Variants in KCNK18 observed in about 807,000 individuals in gnomAD.
The protein encoded by KCNK18 is potassium two pore domain channel subfamily K member 18, also known as potassium channel subfamily K member 18.
KCNK18 carries 8 observed loss-of-function variants against 11.8 expected under a neutral mutation model. That is an observed-to-expected ratio of 0.68 (90% CI 0.40 to 1.22). The LOEUF (loss-of-function observed/expected upper bound fraction) is 1.22. Ranked by LOEUF, KCNK18 falls within the 50% of genes most tolerant of loss-of-function variation. The pLI is 0.01. For missense variants in KCNK18, 442 were observed against 465.4 expected (o/e 0.95, Z 0.46); for synonymous variants, 208 against 185.8 (o/e 1.12, Z -0.97).
chr10:117,205,273 T>C (rs193198686), intron 2 of KCNK18, among the ~76,000 whole-genome samples: 25 of 152,312 alleles, frequency 1.6e-4, no homozygotes, highest in African/African-American at 5.5e-4. Context: ...AATATATGAA[T>C]GCATTCTAAG....
intron 2 of KCNK18, among the ~76,000 whole-genome samples, chr10:117,203,157 G>T (rs1474022762): frequency 6.6e-6 from 1 of 152,054 alleles, no homozygotes; most frequent in Non-Finnish European, 1.5e-5. Context: ...GATTAGAGGC[G>T]TGAGACACCG....
At chr10:117,200,068 C>T (rs567008505) in intron 1 of KCNK18, among the ~76,000 whole-genome samples, 4 of 152,154 alleles carry the variant, frequency 2.6e-5, no homozygotes, top group Non-Finnish European at 4.4e-5. Flanking sequence ...GATGATCAAA[C>T]TCCATCAAGT....
intron 2 of KCNK18, among the ~76,000 whole-genome samples, chr10:117,207,984 T>G (rs1001256001): frequency 6.6e-6 from 1 of 152,210 alleles, no homozygotes; most frequent in African/African-American, 2.4e-5. Context: ...CTGTGGGGTT[T>G]GAGGTCTGTC....
Position 117,197,497 on chromosome 10 carries a change from C to T in KCNK18, c.9C>T (p.Val3=), listed in dbSNP as rs780902637. 1 of 1,613,022 alleles carries T rather than the reference C, an allele frequency of 6.2e-7. No homozygotes were observed. Among genetic ancestry groups the T allele is most frequent in the East Asian group, 2.2e-5 (1 of 44,880 alleles). The change falls in exon 1 of 3, where the codon GTC becomes GTT. Residue 3 remains valine, a synonymous_variant. Transcript: ENST00000334549. ...TGCATGCTTCAGGGACGATGGAGGT[C>T]TCGGGGCACCCCCAGGCCAGGAGAT... ME[V]SGHPQARRCC...
chr10:117,197,910 A>G lies in KCNK18; in HGVS notation c.223+199A>G, dbSNP rs1480975887. Among the ~76,000 whole-genome samples, 4 of 152,072 alleles carry G rather than the reference A, an allele frequency of 2.6e-5. No individual in the cohort carries two copies. In the East Asian group the frequency reaches 5.8e-4, roughly 22 times the overall value. ...AAAGTGGGGAGACTAACTGCCTCTCAGGGTTGCTGTGAAGAATGCAGGAAA... is the reference window on the plus strand; with the variant it reads ...AAAGTGGGGAGACTAACTGCCTCTCGGGGTTGCTGTGAAGAATGCAGGAAA... On this transcript the variant is annotated intron_variant, in intron 1 of 2. Transcript: ENST00000334549.
chr10:117,202,955 C>T (rs575699720), intron 2 of KCNK18, among the ~76,000 whole-genome samples: 1 of 143,214 alleles, frequency 7.0e-6, no homozygotes, highest in South Asian at 2.2e-4. Context: ...TGGCTCACTG[C>T]AACCTCTGCT....
chr10:117,204,457 C>T (rs893778007), intron 2 of KCNK18, among the ~76,000 whole-genome samples: 2 of 152,172 alleles, frequency 1.3e-5, no homozygotes, highest in African/African-American at 4.8e-5. Context: ...CCCCACTGTC[C>T]CTACCCATTA....
chr10:117,207,667 C>T (rs1346852073), intron 2 of KCNK18, among the ~76,000 whole-genome samples: 1 of 152,122 alleles, frequency 6.6e-6, no homozygotes, highest in Non-Finnish European at 1.5e-5. Flanking sequence ...TGATGAGACT[C>T]TTTGAGAGCC....
intron 2 of KCNK18, among the ~76,000 whole-genome samples, chr10:117,206,382 T>C (rs1288586950): frequency 6.6e-6 from 1 of 152,106 alleles, no homozygotes; most frequent in African/African-American, 2.4e-5. Flanking sequence ...GCTCAGCCTC[T>C]CCCTTATCAG....
intron 2 of KCNK18, among the ~76,000 whole-genome samples, chr10:117,206,967 A>G (rs1184709012): frequency 6.6e-6 from 1 of 152,058 alleles, no homozygotes; most frequent in African/African-American, 2.4e-5. Flanking sequence ...CCCCTTCCCA[A>G]CATCAGCTCA....
At chr10:117,201,079 G>A (rs1338835974) in intron 1 of KCNK18, 80 bp from the exon 2 acceptor site, 1 of 1,560,892 alleles carries the variant, frequency 6.4e-7, no homozygotes, top group African/African-American at 1.4e-5. Flanking sequence ...CCTTGGGGAA[G>A]ACTATCCCTT....
At chr10:117,203,133 T>G (rs1195533068) in intron 2 of KCNK18, among the ~76,000 whole-genome samples, 1 of 151,994 alleles carries the variant, frequency 6.6e-6, no homozygotes, top group Non-Finnish European at 1.5e-5. Flanking sequence ...CATCTCGGCC[T>G]CCCAAAATGC....
At chr10:117,209,384 A>G in intron 2 of KCNK18, 113 bp from the exon 3 acceptor site, 2 of 899,418 alleles carry the variant, frequency 2.2e-6, no homozygotes, top group Non-Finnish European at 1.9e-6. Context: ...TTCAAAAACA[A>G]TGTGTAAAAT....
At position 117,209,867 on chromosome 10, in the gene KCNK18, A is replaced by T; in HGVS notation, c.723A>T (p.Gln241His). The T allele has an allele frequency of 6.2e-7, 1 of 1,614,192 alleles. No individual in the cohort carries two copies. Among genetic ancestry groups the T allele is most frequent in the Non-Finnish European group, 8.5e-7 (1 of 1,180,032 alleles). ...SHALEKQNTL[Q>H]LPPQAMERSN... ...CGCTAGAGAAACAGAACACACTGCA[A>T]CTGCCCCCACAAGCCATGGAGAGGA... Residue 241 changes from glutamine to histidine, a missense_variant, in exon 3 of 3, where the codon CAA becomes CAT. Gln to His is a conservative substitution (Grantham distance 24, BLOSUM62 0). Coordinates refer to ENST00000334549, the MANE Select transcript of KCNK18 (RefSeq NM_181840.1).
chr10:117,202,849 C>T (rs377558655), intron 2 of KCNK18, among the ~76,000 whole-genome samples: 174 of 151,076 alleles, frequency 1.2e-3, no homozygotes, highest in African/African-American at 4.2e-3. Context: ...GGAGGGCTCT[C>T]ACAGCCCCCA....
At chr10:117,202,885 GCTTT>G (rs1440177588) in intron 2 of KCNK18, among the ~76,000 whole-genome samples, 14 of 111,294 alleles carry the variant, frequency 1.3e-4, no homozygotes, top group Non-Finnish European at 1.6e-4. Flanking sequence ...TTGCCTGAAT[GCTTT>G]TTTTTTTTTT....
chr10:117,201,311 C>T (rs762438413), intron 2 of KCNK18, 24 bp downstream of exon 2: 6 of 1,610,478 alleles, frequency 3.7e-6, no homozygotes, highest in Non-Finnish European at 5.1e-6. Context: ...CACAGTCCCC[C>T]TCACGGTGGC....
chr10:117,203,130 G>A (rs1428422542), intron 2 of KCNK18, among the ~76,000 whole-genome samples: 1 of 151,984 alleles, frequency 6.6e-6, no homozygotes, highest in Non-Finnish European at 1.5e-5. Flanking sequence ...GCCCATCTCG[G>A]CCTCCCAAAA....
intron 2 of KCNK18, among the ~76,000 whole-genome samples, chr10:117,208,428 T>C (rs1855103123): frequency 6.6e-6 from 1 of 152,102 alleles, no homozygotes; most frequent in South Asian, 2.1e-4. Context: ...GTAGGTATTG[T>C]CATCCCCATC....
Sources: allele counts gnomAD v4.1 joint callset (sites outside exome capture counted in the v4.1 genomes callset), GRCh38; gene constraint gnomAD v4.1.1; transcripts MANE v1.5; gene names NCBI Gene and HGNC (gene_info 2026-07-23, HGNC 2026-07-21).